CTR9: variants seen among roughly 807,000 people sequenced by gnomAD.
CTR9 encodes RNA polymerase-associated protein CTR9 homolog.
CTR9 carries 41 observed loss-of-function variants against 152.1 expected under a neutral mutation model. The observed-to-expected ratio is 0.27, with a 90% CI of 0.21 to 0.35. CTR9 has a LOEUF of 0.35. CTR9 is among the 10% of genes least tolerant of loss of function. CTR9 has a pLI of 1.00. For missense variants in CTR9, 917 were observed against 1,424.4 expected (o/e 0.64, Z 5.73); for synonymous variants, 476 against 496.2 (o/e 0.96, Z 0.54).
In CTR9 at chr11:10,774,105, A is replaced by G. The variant is rs989573187; in HGVS notation, c.2821A>G (p.Ser941Gly). 3 of 1,606,252 alleles carry G rather than the reference A, an allele frequency of 1.9e-6. No individual in the cohort carries two copies. The highest frequency in any genetic ancestry group is 2.6e-6 in the Non-Finnish European group (3 of 1,172,802). The part of the protein sequence containing the change: ...ISKKKKRRKG[S>G]GSEQEGEDEE... ...CAAAAAGAAGAAGAGAAGAAAGGGT[A>G]GTGGCAGTGAACAAGAAGGTGAAGA... Residue 941 changes from serine to glycine, a missense_variant, in exon 22 of 25, where the codon AGT becomes GGT. Physicochemically the swap from Ser to Gly is moderately conservative, Grantham distance 56. Transcript: ENST00000361367.
intron 5 of CTR9, among the ~76,000 whole-genome samples, chr11:10,759,211 A>G (rs1862935852): frequency 6.6e-6 from 1 of 152,252 alleles, no homozygotes; most frequent in African/African-American, 2.4e-5. Context: ...AGGAAGAATC[A>G]GCAAAGGAGA....
At chr11:10,778,536 C>T (rs1285159587) in intron 24 of CTR9, 143 bp from the exon 25 acceptor site, 2 of 745,250 alleles carry the variant, frequency 2.7e-6, no homozygotes, top group African/African-American at 3.5e-5. Flanking sequence ...AAACAAGTAT[C>T]ACAGAATGAT....
chr11:10,759,230 A>G (rs1862936028), intron 5 of CTR9, among the ~76,000 whole-genome samples: 2 of 152,252 alleles, frequency 1.3e-5, no homozygotes, highest in African/African-American at 4.8e-5. Flanking sequence ...GACTGAGAAG[A>G]TAATAGCCAG....
intron 17 of CTR9, 43 bp from the exon 18 acceptor site, chr11:10,770,444 T>C (rs776726791): frequency 1.1e-5 from 18 of 1,598,106 alleles, no homozygotes; most frequent in Non-Finnish European, 8.5e-6. Context: ...AAGATCCTTT[T>C]CATGTCATTT....
rs1428910590 is a variant in CTR9 at position 10,771,622 on chromosome 11, G to A, written c.2444+6G>A. On this transcript the variant is annotated splice_donor_region_variant and intron_variant, in intron 19 of 24. Transcript: ENST00000361367. The stretch of plus-strand genomic sequence containing the variant: ...CTTGCTGCTACAGAAGCCAGGTAAT[G>A]TTACTATTTATGGAAGGTGACTTTG... 4.4e-6 allele frequency: 7 copies of A among 1,605,984 alleles called. No homozygotes were observed. In the East Asian group the frequency reaches 1.6e-4, roughly 36 times the overall value.
rs906426461 is a variant in CTR9 at position 10,778,967 on chromosome 11, C to A, written c.3384C>A (p.Ala1128=). The A allele has an allele frequency of 6.2e-7, 1 of 1,614,038 alleles. No individual in the cohort carries two copies. Among genetic ancestry groups the A allele is most frequent in the South Asian group, 1.1e-5 (1 of 91,064 alleles). The change falls in exon 25 of 25, where the codon GCC becomes GCA. Residue 1128 remains alanine, a synonymous_variant. Coordinates refer to ENST00000361367, the MANE Select transcript of CTR9 (RefSeq NM_014633.5). The part of the protein sequence containing the change: ...ENDSRPASPS[A]ESDHESERGS... ...ACTCTCGCCCAGCTTCTCCAAGTGC[C>A]GAATCAGATCACGAATCGGAGAGAG...
chr11:10,761,588 C>T (rs1159650057), intron 6 of CTR9, among the ~76,000 whole-genome samples: 24 of 151,664 alleles, frequency 1.6e-4, no homozygotes. Flanking sequence ...CCATCCTGGG[C>T]AACACAGTGA....
rs1862988266 is a variant in CTR9, at chr11:10,762,153, A to G, written c.849+99A>G. The G allele has an allele frequency of 3.9e-6, 3 of 770,002 alleles. No individual in the cohort carries two copies. The East Asian group carries it at 8.2e-5, about 21-fold the overall frequency. 47.7% of individuals were successfully genotyped at this position (770,002 alleles called of 1,614,324 possible). ...ACTTGGAAAGAAATTTGAAAATGTC[A>G]GATTTTTTCCCCCCTCCAAATTATA... On this transcript the variant is annotated intron_variant, in intron 7 of 24. Transcript: ENST00000361367.
At chr11:10,765,560 G>A (rs1427771583) in intron 12 of CTR9, among the ~76,000 whole-genome samples, 4 of 151,976 alleles carry the variant, frequency 2.6e-5, no homozygotes, top group Non-Finnish European at 5.9e-5. Flanking sequence ...CTCCCGGGTT[G>A]GAGTGATTCT....
chr11:10,764,474 T>C, intron 11 of CTR9, 38 bp downstream of exon 11: 4 of 1,558,782 alleles, frequency 2.6e-6, no homozygotes, highest in African/African-American at 1.5e-5. Flanking sequence ...TTATACTGAA[T>C]CAAGTTGCAT....
In CTR9 at chr11:10,774,054, G is replaced by T. The variant is rs1035410054; in HGVS notation, c.2770G>T (p.Asp924Tyr). ...AGAGTTTGATGAATTTGTCAATGAT[G>T]ACACTGATGATGACCTACCTATATC... is the stretch of plus-strand genomic sequence containing the variant. ...GGEFDEFVND[D>Y]TDDDLPISKK... The change falls in exon 22 of 25, where the codon GAC (aspartate) becomes TAC (tyrosine). Residue 924 changes from aspartate to tyrosine, a missense_variant. Physicochemically the swap from Asp to Tyr is radical, Grantham distance 160 (BLOSUM62 -3). Coordinates refer to ENST00000361367, the MANE Select transcript of CTR9 (RefSeq NM_014633.5). 6.2e-7 allele frequency: 1 copy of T among 1,613,166 alleles called. No homozygotes were observed. The highest frequency in any genetic ancestry group is 2.2e-5 in the East Asian group (1 of 44,852).
At chr11:10,755,420 A>T (rs1862869790) in intron 3 of CTR9, among the ~76,000 whole-genome samples, 1 of 152,224 alleles carries the variant, frequency 6.6e-6, no homozygotes, top group Non-Finnish European at 1.5e-5. Flanking sequence ...CAGTAATTTT[A>T]TTATCTCCAG....
intron 13 of CTR9, among the ~76,000 whole-genome samples, chr11:10,766,871 C>A (rs959453407): frequency 2.6e-5 from 4 of 152,058 alleles, no homozygotes; most frequent in Non-Finnish European, 5.9e-5. Flanking sequence ...TTGTATGGAA[C>A]CATAGCTATG....
chr11:10,764,469 C>G, intron 11 of CTR9, 33 bp downstream of exon 11: 2 of 1,475,902 alleles, frequency 1.4e-6, no homozygotes. Context: ...TTCTTTTATA[C>G]TGAATCAAGT....
intron 1 of CTR9, among the ~76,000 whole-genome samples, chr11:10,752,323 C>G (rs1051532781): frequency 6.6e-6 from 1 of 152,114 alleles, no homozygotes; most frequent in African/African-American, 2.4e-5. Context: ...GGAGTCAGAC[C>G]TATGGCATAA....
intron 2 of CTR9, 59 bp downstream of exon 2, chr11:10,752,829 G>C (rs188933909): frequency 2.4e-5 from 33 of 1,366,628 alleles, no homozygotes; most frequent in Middle Eastern, 1.8e-4. Context: ...TGTAGTTTCT[G>C]TTTTCAGATA....
chr11:10,777,394 A>G (rs1863257420), intron 24 of CTR9, among the ~76,000 whole-genome samples: 1 of 152,004 alleles, frequency 6.6e-6, no homozygotes, highest in Non-Finnish European at 1.5e-5. Flanking sequence ...ATTTTATAAA[A>G]GCAAAATAAA....
chr11:10,774,205 T>TA, intron 22 of CTR9, 36 bp downstream of exon 22: 2 of 1,569,644 alleles, frequency 1.3e-6, no homozygotes, highest in South Asian at 1.2e-5. Flanking sequence ...AGTAACCTCA[T>TA]AAAAGTGGTG....
intron 6 of CTR9, 145 bp from the exon 7 acceptor site, chr11:10,761,802 T>C: frequency 2.0e-6 from 1 of 503,092 alleles, no homozygotes; most frequent in Non-Finnish European, 3.5e-6. Flanking sequence ...GCAATATAGA[T>C]ATTTAAAATC....
Sources: gnomAD v4.1 joint callset for allele counts (sites outside exome capture counted in the v4.1 genomes callset) on GRCh38, gnomAD v4.1.1 for gene constraint, MANE v1.5 for transcripts, NCBI Gene and HGNC (gene_info 2026-07-23, HGNC 2026-07-21) for gene names.